FAM117B: variants seen among roughly 807,000 people sequenced by gnomAD.
FAM117B encodes family with sequence similarity 117 member B, also known as protein FAM117B.
A neutral mutation model predicts 52.8 loss-of-function variants in FAM117B; 22 were observed. That is an observed-to-expected ratio of 0.42 (90% confidence interval 0.30 to 0.59). The LOEUF (loss-of-function observed/expected upper bound fraction) is 0.59, where lower values mean the gene tolerates loss of function less well. Among genes scored for constraint, FAM117B ranks in the 20% least tolerant of loss-of-function variants. The pLI is 0.22. For synonymous variants in FAM117B, 309 were observed against 324.1 expected, an observed-to-expected ratio of 0.95 and a Z score of 0.50; for missense variants, 678 against 802.6, an observed-to-expected ratio of 0.84 and a Z score of 1.88.
At position 202,750,242 on chromosome 2, in the gene FAM117B, G is replaced by T. The variant is rs577532160; in HGVS notation, c.961-5296G>T. ...AACTTTACTGCTGAGTGGGCACAGT[G>T]GCTCATGTTTGTAATGTCAGCACTT... On this transcript the variant is annotated intron_variant, in intron 4 of 7. Coordinates refer to ENST00000392238, the MANE Select transcript of FAM117B (RefSeq NM_173511.4). Among the ~76,000 whole-genome samples the T allele has an allele frequency of 3.3e-5, 5 of 152,260 alleles. No individual in the cohort carries two copies. In the East Asian group the frequency reaches 9.6e-4, roughly 29 times the overall value.
intron 4 of FAM117B, among the ~76,000 whole-genome samples, chr2:202,739,620 T>C (rs2105792599): frequency 6.6e-6 from 1 of 152,062 alleles, no homozygotes. Flanking sequence ...CATGCCCGGC[T>C]GATATTTAAA....
intron 2 of FAM117B, among the ~76,000 whole-genome samples, chr2:202,699,524 A>C (rs1690767254): frequency 6.7e-6 from 1 of 149,976 alleles, no homozygotes; most frequent in Non-Finnish European, 1.5e-5. Flanking sequence ...CTCGTGTAGA[A>C]TCTCCTAAAG....
chr2:202,707,023 C>T (rs1690881034), intron 2 of FAM117B, among the ~76,000 whole-genome samples: 1 of 152,048 alleles, frequency 6.6e-6, no homozygotes, highest in Admixed American at 6.6e-5. Context: ...GCCAGTGACA[C>T]CATACATTGT....
At chr2:202,750,184 A>T (rs1262036313) in intron 4 of FAM117B, among the ~76,000 whole-genome samples, 1 of 152,078 alleles carries the variant, frequency 6.6e-6, no homozygotes, top group Non-Finnish European at 1.5e-5. Flanking sequence ...GTCCTCTTGG[A>T]CCGGGGCTGC....
intron 1 of FAM117B, among the ~76,000 whole-genome samples, chr2:202,692,314 G>A (rs1279225252): frequency 1.3e-5 from 2 of 152,142 alleles, no homozygotes; most frequent in Non-Finnish European, 1.5e-5. Flanking sequence ...CCTGCCAAAA[G>A]ATAAAATATA....
rs138809054 is a variant in FAM117B, at chr2:202,651,060, C to CT, written c.601+15292dup. ...GGATGTTCCCTTCTAATTTGCCATTCTTTTTTTTTTTTTTTTTTTTAAGAC... is the reference window on the plus strand; with the variant it reads ...GGATGTTCCCTTCTAATTTGCCATTCTTTTTTTTTTTTTTTTTTTTTAAGAC... On this transcript the variant is annotated intron_variant, in intron 1 of 7. Coordinates refer to ENST00000392238, the MANE Select transcript of FAM117B (RefSeq NM_173511.4). 3.1e-3 allele frequency among the ~76,000 whole-genome samples: 385 copies of CT among 124,180 alleles called. 1 individual carries two copies. Among genetic ancestry groups the CT allele is most frequent in the African/African-American group, 6.8e-3 (219 of 32,212 alleles). The allele number at this position is 124,180 out of a possible 152,430, so 81.5% of individuals were successfully genotyped here. A position where few individuals can be genotyped will look rare whatever the true frequency, so the allele number is the denominator to read the frequency against.
chr2:202,661,472 C>T (rs1025925461), intron 1 of FAM117B, among the ~76,000 whole-genome samples: 1 of 151,976 alleles, frequency 6.6e-6, no homozygotes, highest in African/African-American at 2.4e-5. Context: ...TCTTAAACTG[C>T]CTTTATAAAG....
chr2:202,712,298 T>C (rs1439383643), intron 2 of FAM117B, among the ~76,000 whole-genome samples: 1 of 152,076 alleles, frequency 6.6e-6, no homozygotes, highest in African/African-American at 2.4e-5. Context: ...TTTGTAGCTA[T>C]TGTAAATGGA....
At chr2:202,682,627 ACATTCACCAG>A (rs1690479534) in intron 1 of FAM117B, among the ~76,000 whole-genome samples, 1 of 152,204 alleles carries the variant, frequency 6.6e-6, no homozygotes, top group South Asian at 2.1e-4. Flanking sequence ...TGCACCTGGA[ACATTCACCAG>A]CATAAACTGT....
chr2:202,635,726 C>G lies in FAM117B; in HGVS notation c.539C>G (p.Ser180Cys). 1 of 1,454,958 alleles carries G rather than the reference C, an allele frequency of 6.9e-7. No homozygotes were observed. Among genetic ancestry groups the G allele is most frequent in the South Asian group, 1.3e-5 (1 of 76,528 alleles). The allele number at this position is 1,454,958 out of a possible 1,614,324, so 90.1% of individuals were successfully genotyped here. ...PPARVRHRRRSPEQSRSSPEK... is the reference protein window; with the variant it reads ...PPARVRHRRRCPEQSRSSPEK... ...GCCCGCGTCCGGCATCGGAGGAGGT[C>G]TCCGGAGCAGAGCCGAAGCTCGCCG... Residue 180 changes from serine (S) to cysteine (C), a missense_variant, in exon 1 of 8, where the codon TCT becomes TGT. This residue lies in a region of FAM117B where 583 missense variants were observed against 644.8 expected (regional missense o/e 0.90). Transcript: ENST00000392238.
intron 1 of FAM117B, among the ~76,000 whole-genome samples, chr2:202,685,980 GAGAAGACAAGCCAAAA>G (rs1430708520): frequency 6.6e-6 from 1 of 152,190 alleles, no homozygotes; most frequent in African/African-American, 2.4e-5. Flanking sequence ...ATTAAAAATT[GAGAAGACAAGCCAAAA>G]AGAAGACAAG....
chr2:202,724,898 C>T lies in FAM117B; in HGVS notation c.754-19C>T. 1 of 1,568,322 alleles carries T rather than the reference C, an allele frequency of 6.4e-7. No individual in the cohort carries two copies. The highest frequency in any genetic ancestry group is 8.7e-7 in the Non-Finnish European group (1 of 1,152,202). On this transcript the variant is annotated intron_variant, in intron 2 of 7. Transcript: ENST00000392238. Reference sequence around the variant, plus strand: ...AAATGATTTTTGTTAAATACACCTCCCCTCTTTTTTCATTACAGACAGAGA... The same window carrying T: ...AAATGATTTTTGTTAAATACACCTCTCCTCTTTTTTCATTACAGACAGAGA...
chr2:202,686,805 C>CAA (rs201803878), intron 1 of FAM117B, among the ~76,000 whole-genome samples: 64 of 127,884 alleles, frequency 5.0e-4, no homozygotes, highest in South Asian at 3.0e-3. Context: ...GAGATTCGGT[C>CAA]AAAAAAAAAA....
intron 1 of FAM117B, among the ~76,000 whole-genome samples, chr2:202,659,818 A>C (rs919713611): frequency 6.6e-6 from 1 of 151,234 alleles, no homozygotes; most frequent in African/African-American, 2.4e-5. Context: ...ATGGGGTTTT[A>C]CCATGTTGGC....
chr2:202,722,681 G>C (rs1691174226), intron 2 of FAM117B, among the ~76,000 whole-genome samples: 1 of 152,078 alleles, frequency 6.6e-6, no homozygotes, highest in Non-Finnish European at 1.5e-5. Context: ...GAGGGTGGAG[G>C]GTGGGAGGAG....
chr2:202,668,179 T>C, intron 1 of FAM117B, among the ~76,000 whole-genome samples: 1 of 144,854 alleles, frequency 6.9e-6, no homozygotes, highest in South Asian at 2.1e-4. Flanking sequence ...ATACATATTA[T>C]ATTATATAAT....
At chr2:202,748,439 T>G (rs1368408357) in intron 4 of FAM117B, among the ~76,000 whole-genome samples, 1 of 152,032 alleles carries the variant, frequency 6.6e-6, no homozygotes, top group Non-Finnish European at 1.5e-5. Context: ...GAGACTATAT[T>G]AAATTTAAAA....
At chr2:202,706,787 CAGG>C (rs749006729) in intron 2 of FAM117B, among the ~76,000 whole-genome samples, 2 of 152,108 alleles carry the variant, frequency 1.3e-5, no homozygotes, top group African/African-American at 2.4e-5. Context: ...TAGAATGTAA[CAGG>C]AGTGAGTAGA....
chr2:202,705,961 C>G (rs1314410680), intron 2 of FAM117B, among the ~76,000 whole-genome samples: 1 of 152,130 alleles, frequency 6.6e-6, no homozygotes, highest in African/African-American at 2.4e-5. Flanking sequence ...GAGTATTTAA[C>G]TTTTTGTGAC....
Sources: gnomAD v4.1 joint callset for allele counts (sites outside exome capture counted in the v4.1 genomes callset) on GRCh38, gnomAD v4.1.1 for gene constraint, gnomAD v4.1.1 regional missense constraint, MANE v1.5 for transcripts, NCBI Gene and HGNC (gene_info 2026-07-23, HGNC 2026-07-21) for gene names.